FRMD4A: variants seen among roughly 807,000 people sequenced by gnomAD.
FRMD4A encodes FERM domain-containing protein 4A.
A neutral mutation model predicts 129.1 loss-of-function variants in FRMD4A; 29 were observed. That is an observed-to-expected ratio of 0.22 (90% CI 0.17 to 0.31). The LOEUF is 0.31. Ranked by LOEUF, FRMD4A falls within the 10% of genes least tolerant of loss-of-function variation. The pLI, the probability that FRMD4A is intolerant of heterozygous loss-of-function variation, is 1.00. For missense variants in FRMD4A, 1,272 were observed against 1,375.8 expected, an observed-to-expected ratio of 0.92 and a Z score of 1.19; for synonymous variants, 634 against 571.6, an observed-to-expected ratio of 1.11 and a Z score of -1.56.
chr10:14,091,189 A>C (rs564406564), intron 2 of FRMD4A, among the ~76,000 whole-genome samples: 2 of 152,314 alleles, frequency 1.3e-5, no homozygotes, highest in Admixed American at 1.3e-4. Flanking sequence ...TAATTTCTTA[A>C]GTGATTTTTA....
intron 2 of FRMD4A, among the ~76,000 whole-genome samples, chr10:13,916,652 G>T (rs2698114): frequency 7.2e-5 from 11 of 152,214 alleles, no homozygotes; most frequent in African/African-American, 1.9e-4. Context: ...TCAAATCTCT[G>T]TTTGTAGATT....
chr10:13,728,137 A>G (rs11258560), intron 12 of FRMD4A, among the ~76,000 whole-genome samples: 40,379 of 152,146 alleles, frequency 0.27, 6,148 homozygotes, highest in Non-Finnish European at 0.35. Flanking sequence ...GTCTAGGAAT[A>G]CAGAGGGTGC....
chr10:14,273,692 C>T (rs769886799), intron 2 of FRMD4A, among the ~76,000 whole-genome samples: 3 of 151,882 alleles, frequency 2.0e-5, no homozygotes, highest in Admixed American at 6.6e-5. Flanking sequence ...ACCTATGGCT[C>T]GAGGTTCTAG....
chr10:13,661,287 ATT>A lies in FRMD4A; in HGVS notation c.1661-736_1661-735del, dbSNP rs1427898872. ...GCTAGAGGACTTTCAGAAAAAGCAAATTCAGTGAGTCTAGGAGGTGCTGTGGG... is the reference window on the plus strand; with the variant it reads ...GCTAGAGGACTTTCAGAAAAAGCAAACAGTGAGTCTAGGAGGTGCTGTGGG... On this transcript the variant is annotated intron_variant, in intron 19 of 24. Transcript: ENST00000357447. Among the ~76,000 whole-genome samples the A allele has an allele frequency of 1.1e-3, 160 of 152,350 alleles. 4 individuals are homozygous for A. The highest frequency in any genetic ancestry group is 2.4e-4 in the Non-Finnish European group (16 of 68,036).
chr10:13,708,898 A>G (rs902345048), intron 12 of FRMD4A, among the ~76,000 whole-genome samples: 9 of 152,240 alleles, frequency 5.9e-5, no homozygotes, highest in Non-Finnish European at 2.9e-5. Context: ...TGGGGGCAGT[A>G]CACTGAGCAA....
chr10:14,056,621 TC>T (rs1834545693), intron 2 of FRMD4A, among the ~76,000 whole-genome samples: 2 of 152,186 alleles, frequency 1.3e-5, no homozygotes, highest in South Asian at 4.2e-4. Flanking sequence ...GCATCCTCTG[TC>T]CCAGCTAACT....
intron 2 of FRMD4A, among the ~76,000 whole-genome samples, chr10:14,142,932 C>A (rs539523405): frequency 1.2e-4 from 18 of 152,164 alleles, no homozygotes; most frequent in Non-Finnish European, 2.2e-4. Flanking sequence ...AAATACAAAT[C>A]AAAACAACAG....
intron 2 of FRMD4A, among the ~76,000 whole-genome samples, chr10:13,870,597 G>A (rs1221464330): frequency 6.6e-6 from 1 of 152,216 alleles, no homozygotes; most frequent in Non-Finnish European, 1.5e-5. Flanking sequence ...TTACTGGCTT[G>A]AGAGAAAGAT....
chr10:13,809,580 A>G (rs2093412441), intron 4 of FRMD4A, among the ~76,000 whole-genome samples: 2 of 152,156 alleles, frequency 1.3e-5, no homozygotes, highest in South Asian at 4.1e-4. Context: ...AGCTGGGCTT[A>G]CTTGGCCCTG....
intron 17 of FRMD4A, chr10:13,667,284 A>C (rs1216088485): frequency 6.6e-6 from 1 of 152,270 alleles, no homozygotes; most frequent in African/African-American, 2.4e-5. Context: ...GCTAGGCTAC[A>C]GCCGGGCCCT....
intron 2 of FRMD4A, among the ~76,000 whole-genome samples, chr10:13,979,630 G>A (rs2095553693): frequency 6.6e-6 from 1 of 152,110 alleles, no homozygotes; most frequent in South Asian, 2.1e-4. Context: ...TGACTCGTTG[G>A]GGGTATTACA....
chr10:14,171,263 G>C (rs1841462420), intron 2 of FRMD4A, among the ~76,000 whole-genome samples: 1 of 151,834 alleles, frequency 6.6e-6, no homozygotes, highest in Non-Finnish European at 1.5e-5. Flanking sequence ...AACATCATTT[G>C]CTATGGTTGA....
chr10:13,856,998 G>T (rs998228492), intron 3 of FRMD4A, among the ~76,000 whole-genome samples: 3 of 152,060 alleles, frequency 2.0e-5, no homozygotes, highest in African/African-American at 4.8e-5. Flanking sequence ...CTCAGTTAAC[G>T]ATTCTGCTAA....
intron 2 of FRMD4A, among the ~76,000 whole-genome samples, chr10:13,966,860 G>A (rs2095488317): frequency 6.6e-6 from 1 of 152,262 alleles, no homozygotes; most frequent in African/African-American, 2.4e-5. Context: ...TAAAGAGATT[G>A]TGGTATATAC....
At chr10:14,171,556 T>C (rs976987575) in intron 2 of FRMD4A, among the ~76,000 whole-genome samples, 1 of 152,236 alleles carries the variant, frequency 6.6e-6, no homozygotes, top group Non-Finnish European at 1.5e-5. Flanking sequence ...GCAACTGCCT[T>C]AATTTCAATG....
At chr10:14,052,780 T>G (rs188272196) in intron 2 of FRMD4A, among the ~76,000 whole-genome samples, 2 of 152,206 alleles carry the variant, frequency 1.3e-5, no homozygotes, top group East Asian at 1.9e-4. Context: ...GTCAGGCTGG[T>G]CTTGAACTCC....
intron 2 of FRMD4A, among the ~76,000 whole-genome samples, chr10:13,973,294 T>G (rs553722186): frequency 3.9e-5 from 6 of 152,348 alleles, no homozygotes; most frequent in Admixed American, 1.3e-4. Flanking sequence ...TTATGTTCTT[T>G]TAATACGTTT....
At chr10:14,042,962 G>A (rs72776634) in intron 2 of FRMD4A, among the ~76,000 whole-genome samples, 19,315 of 136,370 alleles carry the variant, frequency 0.14, 1,761 homozygotes, top group Non-Finnish European at 0.21. Context: ...AATTCATTTC[G>A]AAACAAAACT....
At chr10:13,661,935 T>G (rs1201105102) in intron 19 of FRMD4A, among the ~76,000 whole-genome samples, 1 of 152,048 alleles carries the variant, frequency 6.6e-6, no homozygotes, top group Non-Finnish European at 1.5e-5. Flanking sequence ...TGCCCTCAAA[T>G]CAGTAAAGGA....
Sources: gnomAD v4.1 joint callset for allele counts (sites outside exome capture counted in the v4.1 genomes callset) on GRCh38, gnomAD v4.1.1 for gene constraint, MANE v1.5 for transcripts, NCBI Gene and HGNC (gene_info 2026-07-23, HGNC 2026-07-21) for gene names.